Variants in POU6F2 observed in about 807,000 individuals in gnomAD.
POU6F2 encodes POU domain, class 6, transcription factor 2.
Under a neutral mutation model 71.3 loss-of-function variants are expected in POU6F2, and 31 were observed. The ratio of observed to expected loss-of-function variants is 0.43; its 90% CI spans 0.33 to 0.59. The LOEUF (loss-of-function observed/expected upper bound fraction) is 0.59, where lower values mean the gene tolerates loss of function less well. POU6F2 is among the 20% of genes least tolerant of loss of function. The pLI is 0.04. For synonymous variants in POU6F2, 347 were observed against 355.7 expected, an observed-to-expected ratio of 0.98 and a Z score of 0.27; for missense variants, 783 against 856.8, an observed-to-expected ratio of 0.91 and a Z score of 1.07.
At chr7:39,049,160 C>T (rs962102258) in intron 1 of POU6F2, among the ~76,000 whole-genome samples, 8 of 151,510 alleles carry the variant, frequency 5.3e-5, no homozygotes, top group East Asian at 1.9e-4. Flanking sequence ...CTTTTGGTTT[C>T]GTTATTTTCT....
intron 5 of POU6F2, chr7:39,404,996 T>A (rs1787390645): frequency 6.6e-6 from 1 of 152,096 alleles, no homozygotes; most frequent in African/African-American, 2.4e-5. Flanking sequence ...TGAGTGAGAA[T>A]TTTTTTCTCC....
At position 39,059,746 on chromosome 7, in the gene POU6F2, T is replaced by C. The variant is rs547493772; in HGVS notation, c.106-26114T>C. On this transcript the variant is annotated intron_variant, in intron 1 of 9. Coordinates refer to ENST00000518318, the MANE Select transcript of POU6F2 (RefSeq NM_001370959.1). ...TGTATATAAATCTTCACAGAAGCAT[T>C]ATTCATAATAGCCAAACATGGAACT... Among the ~76,000 whole-genome samples, 6 of 152,348 alleles carry C rather than the reference T, an allele frequency of 3.9e-5. No individual in the cohort carries two copies. In the East Asian group the frequency reaches 5.8e-4, roughly 15 times the overall value.
chr7:39,367,433 C>T (rs1004376155), intron 5 of POU6F2, among the ~76,000 whole-genome samples: 6 of 152,198 alleles, frequency 3.9e-5, no homozygotes, highest in Non-Finnish European at 8.8e-5. Context: ...CACCCTCAAA[C>T]AAGTAAGTTT....
At chr7:39,297,201 A>C (rs1352785730) in intron 4 of POU6F2, among the ~76,000 whole-genome samples, 2 of 115,522 alleles carry the variant, frequency 1.7e-5, no homozygotes, top group African/African-American at 3.4e-5. Flanking sequence ...ACACATACAC[A>C]CACACACACA....
intron 1 of POU6F2, among the ~76,000 whole-genome samples, chr7:39,022,835 T>C (rs1789709198): frequency 6.6e-6 from 1 of 152,100 alleles, no homozygotes; most frequent in Non-Finnish European, 1.5e-5. Flanking sequence ...TGCATGGACA[T>C]ATGGTTTCAT....
chr7:39,150,085 C>T (rs1358816237), intron 2 of POU6F2, among the ~76,000 whole-genome samples: 3 of 152,080 alleles, frequency 2.0e-5, no homozygotes, highest in East Asian at 3.9e-4. Flanking sequence ...CGGGGTTTCA[C>T]CCTGTTAGCC....
chr7:39,130,629 A>G (rs1433498140), intron 2 of POU6F2, among the ~76,000 whole-genome samples: 2 of 152,048 alleles, frequency 1.3e-5, no homozygotes, highest in African/African-American at 2.4e-5. Flanking sequence ...TGGAAAACTC[A>G]CTGAATCATA....
At chr7:39,067,580 T>G (rs759653879) in intron 1 of POU6F2, among the ~76,000 whole-genome samples, 3 of 152,068 alleles carry the variant, frequency 2.0e-5, no homozygotes, top group African/African-American at 7.2e-5. Flanking sequence ...AATGTCATCA[T>G]CAATAAAATG....
chr7:39,066,227 T>A (rs1790751741), intron 1 of POU6F2, among the ~76,000 whole-genome samples: 1 of 151,782 alleles, frequency 6.6e-6, no homozygotes, highest in Non-Finnish European at 1.5e-5. Flanking sequence ...GGAAGTTTCT[T>A]ACCTGACAAA....
intron 4 of POU6F2, among the ~76,000 whole-genome samples, chr7:39,332,689 G>A (rs1785680031): frequency 6.6e-6 from 1 of 152,152 alleles, no homozygotes; most frequent in Admixed American, 6.5e-5. Flanking sequence ...TTCTTTGTAT[G>A]TGGCCCTTCA....
At chr7:39,303,525 T>G (rs770892090) in intron 4 of POU6F2, among the ~76,000 whole-genome samples, 2 of 152,240 alleles carry the variant, frequency 1.3e-5, no homozygotes, top group Non-Finnish European at 2.9e-5. Flanking sequence ...ATTATAATTT[T>G]TATTGTCCTC....
chr7:39,359,935 AT>A (rs1229474465), intron 5 of POU6F2, among the ~76,000 whole-genome samples: 1 of 152,214 alleles, frequency 6.6e-6, no homozygotes, highest in Non-Finnish European at 1.5e-5. Context: ...AAACCAGAAA[AT>A]GAGGTTGTTG....
In POU6F2 at chr7:38,996,035, C is replaced by CTTTT. The variant is rs5883669; in HGVS notation, c.105+17996_105+17999dup. On this transcript the variant is annotated intron_variant, in intron 1 of 9. Coordinates refer to ENST00000518318, the MANE Select transcript of POU6F2 (RefSeq NM_001370959.1). ...TGAAGCTCCTTAGTAAGGGGCTTGG[C>CTTTT]TTTTTTTTTTTTTTTTTTTTTTAGA... 1.0e-3 allele frequency among the ~76,000 whole-genome samples: 88 copies of CTTTT among 85,352 alleles called. 1 individual carries two copies. Among genetic ancestry groups the CTTTT allele is most frequent in the Admixed American group, 8.8e-3 (64 of 7,264 alleles). The allele number at this position is 85,352 out of a possible 152,430, so 56.0% of individuals were successfully genotyped here.
intron 2 of POU6F2, among the ~76,000 whole-genome samples, chr7:39,195,589 T>C (rs1793771764): frequency 6.6e-6 from 1 of 151,476 alleles, no homozygotes; most frequent in African/African-American, 2.4e-5. Flanking sequence ...CTCTGTTCAG[T>C]CCCCATCTCC....
chr7:39,295,936 A>G (rs1784837140), intron 4 of POU6F2, among the ~76,000 whole-genome samples: 1 of 152,226 alleles, frequency 6.6e-6, no homozygotes, highest in Non-Finnish European at 1.5e-5. Flanking sequence ...CCCTGTTATC[A>G]GCCCTTCACA....
chr7:38,985,170 A>C (rs527619438), intron 1 of POU6F2, among the ~76,000 whole-genome samples: 11 of 152,282 alleles, frequency 7.2e-5, no homozygotes, highest in African/African-American at 2.6e-4. Flanking sequence ...GGAGCTGGAC[A>C]CACAATAGTA....
intron 2 of POU6F2, among the ~76,000 whole-genome samples, chr7:39,157,500 G>A (rs1226888138): frequency 1.3e-5 from 2 of 152,090 alleles, no homozygotes; most frequent in Non-Finnish European, 2.9e-5. Context: ...AAGAAGATAA[G>A]CTGTTTCTAG....
intron 2 of POU6F2, among the ~76,000 whole-genome samples, chr7:39,150,335 C>T (rs934383258): frequency 2.7e-5 from 4 of 148,314 alleles, no homozygotes; most frequent in South Asian, 2.2e-4. Context: ...GATATCTTTA[C>T]AAGGTGGTGA....
At chr7:39,461,593 T>C (rs948382827) in intron 9 of POU6F2, among the ~76,000 whole-genome samples, 4 of 152,202 alleles carry the variant, frequency 2.6e-5, no homozygotes, top group Non-Finnish European at 4.4e-5. Flanking sequence ...TTTTATCTGC[T>C]CTTTATACTT....
Sources: gnomAD v4.1 joint callset for allele counts (sites outside exome capture counted in the v4.1 genomes callset) on GRCh38, gnomAD v4.1.1 for gene constraint, MANE v1.5 for transcripts, NCBI Gene and HGNC (gene_info 2026-07-23, HGNC 2026-07-21) for gene names.